LRRK2: variants seen among roughly 807,000 people sequenced by gnomAD.
LRRK2 encodes the protein leucine-rich repeat serine/threonine-protein kinase 2.
Under a neutral mutation model 302.6 loss-of-function variants are expected in LRRK2, and 203 were observed. That is an observed-to-expected ratio of 0.67 (90% CI 0.60 to 0.75). The LOEUF is 0.75. Ranked by LOEUF, LRRK2 falls within the 30% of genes least tolerant of loss-of-function variation. The pLI is 0.00. For synonymous variants in LRRK2, 1,066 were observed against 1,031.9 expected, an observed-to-expected ratio of 1.03 and a Z score of -0.63; for missense variants, 2,830 against 2,951.0, an observed-to-expected ratio of 0.96 and a Z score of 0.95.
At chr12:40,233,642 C>A (rs1449334578) in intron 3 of LRRK2, among the ~76,000 whole-genome samples, 3 of 152,104 alleles carry the variant, frequency 2.0e-5, no homozygotes, top group African/African-American at 4.8e-5. Context: ...CAAAATATAC[C>A]AGTAATTAGG....
chr12:40,316,367 A>G (rs1945221468), intron 33 of LRRK2: 1 of 983,700 alleles, frequency 1.0e-6, no homozygotes, highest in Non-Finnish European at 1.2e-6. Context: ...CATTGCAATC[A>G]GCAATTATTT....
chr12:40,256,850 G>A (rs1942538114), intron 11 of LRRK2, among the ~76,000 whole-genome samples: 1 of 152,148 alleles, frequency 6.6e-6, no homozygotes, highest in African/African-American at 2.4e-5. Flanking sequence ...TTATATAAGT[G>A]CAGTTATTTG....
intron 30 of LRRK2, among the ~76,000 whole-genome samples, chr12:40,310,069 T>C (rs1190433026): frequency 6.6e-6 from 1 of 152,074 alleles, no homozygotes; most frequent in South Asian, 2.1e-4. Flanking sequence ...AAATATAAAC[T>C]ATATGACGTT....
At chr12:40,252,581 C>A (rs1942321039) in intron 10 of LRRK2, among the ~76,000 whole-genome samples, 1 of 152,086 alleles carries the variant, frequency 6.6e-6, no homozygotes, top group Non-Finnish European at 1.5e-5. Context: ...TACCTTGCTT[C>A]TTTACAATTT....
At position 40,229,955 on chromosome 12, in the gene LRRK2, CTTTTTT is replaced by C. The variant is rs71078229; in HGVS notation, c.238-2296_238-2291del. 3.1e-3 allele frequency among the ~76,000 whole-genome samples: 284 copies of C among 92,890 alleles called. 1 individual carries two copies. The highest frequency in any genetic ancestry group is 5.6e-3 in the South Asian group (15 of 2,688). The allele number at this position is 92,890 out of a possible 152,430, so 60.9% of individuals were successfully genotyped here. A position where few individuals can be genotyped will look rare whatever the true frequency, so the allele number is the denominator to read the frequency against. ...GAGATGAGTTTGGCATCCTATGTGA[CTTTTTT>C]TTTTTTTTTTTTTTTTTTTTTTACC... On this transcript the variant is annotated intron_variant, in intron 2 of 50. Coordinates refer to ENST00000298910, the MANE Select transcript of LRRK2 (RefSeq NM_198578.4).
intron 18 of LRRK2, 28 bp downstream of exon 18, chr12:40,278,289 T>G: frequency 6.2e-7 from 1 of 1,613,552 alleles, no homozygotes; most frequent in Non-Finnish European, 8.5e-7. Context: ...CACTTTTGTC[T>G]TTGCTCAGTA....
At chr12:40,330,661 A>C (rs1414602384) in intron 39 of LRRK2, among the ~76,000 whole-genome samples, 1 of 151,956 alleles carries the variant, frequency 6.6e-6, no homozygotes, top group Non-Finnish European at 1.5e-5. Context: ...GGGACATATG[A>C]TATATATATA....
At chr12:40,345,394 G>A (rs1946160785) in intron 41 of LRRK2, among the ~76,000 whole-genome samples, 2 of 151,934 alleles carry the variant, frequency 1.3e-5, no homozygotes, top group East Asian at 3.9e-4. Context: ...AGGCCGAGGT[G>A]GGTGGATCAC....
intron 3 of LRRK2, among the ~76,000 whole-genome samples, chr12:40,234,791 C>T (rs1179901756): frequency 2.6e-5 from 4 of 152,054 alleles, no homozygotes; most frequent in East Asian, 1.9e-4. Context: ...TATTATATCT[C>T]TATATTTTAA....
chr12:40,254,061 T>G (rs1043321882), intron 11 of LRRK2, among the ~76,000 whole-genome samples: 6 of 152,180 alleles, frequency 3.9e-5, no homozygotes, highest in Admixed American at 3.3e-4. Context: ...GTTTTAAGAT[T>G]ATGGTTCAGG....
Position 40,359,394 on chromosome 12 carries a change from T to G in LRRK2, c.6978T>G (p.Phe2326Leu). Residue 2326 changes from phenylalanine to leucine, a missense_variant, in exon 47 of 51, where the codon TTT becomes TTG. Physicochemically the swap from Phe to Leu is conservative, Grantham distance 22 (BLOSUM62 0). Coordinates refer to ENST00000298910, the MANE Select transcript of LRRK2 (RefSeq NM_198578.4). ...GATGTGGCACAAAGATTTTCTCCTT[T>G]TCTAATGATTTCACCATTCAGAAAC... ...WGGCGTKIFS[F>L]SNDFTIQKLI... 1 of 1,613,392 alleles carries G rather than the reference T, an allele frequency of 6.2e-7. No homozygotes were observed. The highest frequency in any genetic ancestry group is 8.5e-7 in the Non-Finnish European group (1 of 1,179,588).
chr12:40,287,550 T>TA lies in LRRK2; in HGVS notation c.2689+20dup, dbSNP rs66810434. 0.075 allele frequency: 120,676 copies of TA among 1,600,668 alleles called. 4,439 individuals are homozygous for TA. The highest frequency in any genetic ancestry group is 0.17 in the African/African-American group (12,667 of 74,214). On this transcript the variant is annotated intron_variant, in intron 20 of 50. Transcript: ENST00000298910. ...ACCTGGATAGTGAAGGTATTTATTA[T>TA]AAAAAAAAACCCTTTATGCTTTATA...
chr12:40,363,023 T>C, intron 47 of LRRK2, among the ~76,000 whole-genome samples: 1 of 152,164 alleles, frequency 6.6e-6, no homozygotes, highest in South Asian at 2.1e-4. Context: ...TGAGCATTCA[T>C]GAAACAAAGT....
intron 39 of LRRK2, 127 bp from the exon 40 acceptor site, chr12:40,334,840 G>C: frequency 9.1e-7 from 1 of 1,097,308 alleles, no homozygotes; most frequent in Non-Finnish European, 1.4e-6. Context: ...GAGAAGAAAT[G>C]GAAAGTTTGC....
At chr12:40,258,539 C>G (rs1448184808) in intron 12 of LRRK2, among the ~76,000 whole-genome samples, 4 of 152,134 alleles carry the variant, frequency 2.6e-5, no homozygotes, top group Non-Finnish European at 5.9e-5. Context: ...GCTGCATGCT[C>G]TTACGTAAAA....
At chr12:40,260,956 T>C (rs78255436) in intron 13 of LRRK2, among the ~76,000 whole-genome samples, 2,144 of 152,312 alleles carry the variant, frequency 0.014, 49 homozygotes, top group African/African-American at 0.047. Flanking sequence ...TCTCTAGTTA[T>C]ATAGGTATTT....
chr12:40,245,535 C>G (rs1041888810), intron 7 of LRRK2, among the ~76,000 whole-genome samples: 2 of 152,036 alleles, frequency 1.3e-5, no homozygotes, highest in Non-Finnish European at 2.9e-5. Flanking sequence ...TTTCTTGGGC[C>G]TTTACTATTC....
At chr12:40,289,796 C>T (rs74078731) in intron 20 of LRRK2, among the ~76,000 whole-genome samples, 3,607 of 151,898 alleles carry the variant, frequency 0.024, 158 homozygotes, top group African/African-American at 0.082. Flanking sequence ...ATCCTGTAAA[C>T]TTACTAAGCT....
intron 30 of LRRK2, among the ~76,000 whole-genome samples, chr12:40,309,833 T>C (rs1246795880): frequency 6.6e-6 from 1 of 152,200 alleles, no homozygotes; most frequent in Non-Finnish European, 1.5e-5. Context: ...CTTAAAAAGC[T>C]TGTGTCAGGA....
Sources: allele counts gnomAD v4.1 joint callset (sites outside exome capture counted in the v4.1 genomes callset), GRCh38; gene constraint gnomAD v4.1.1; transcripts MANE v1.5; gene names NCBI Gene and HGNC (gene_info 2026-07-23, HGNC 2026-07-21).